DIAPH1: variants seen among roughly 807,000 people sequenced by gnomAD.
DIAPH1 encodes diaphanous related formin 1.
DIAPH1 carries 46 observed loss-of-function variants against 140.7 expected under a neutral mutation model. The observed-to-expected ratio is 0.33, with a 90% CI of 0.26 to 0.42. The LOEUF (loss-of-function observed/expected upper bound fraction) is 0.42. DIAPH1 is among the 10% of genes least tolerant of loss of function. The pLI, the probability that DIAPH1 is intolerant of heterozygous loss-of-function variation, is 1.00. For synonymous variants in DIAPH1, 565 were observed against 551.6 expected, an observed-to-expected ratio of 1.02 and a Z score of -0.34; for missense variants, 1,310 against 1,558.7, an observed-to-expected ratio of 0.84 and a Z score of 2.69.
At chr5:141,517,475 G>C (rs1325065466) in intron 27 of DIAPH1, among the ~76,000 whole-genome samples, 1 of 152,182 alleles carries the variant, frequency 6.6e-6, no homozygotes, top group Non-Finnish European at 1.5e-5. Context: ...GTTGTCCCTA[G>C]CAGAAGGCAA....
intron 4 of DIAPH1, 53 bp downstream of exon 4, chr5:141,584,071 T>A: frequency 3.4e-6 from 4 of 1,182,452 alleles, no homozygotes; most frequent in Admixed American, 1.9e-5. Context: ...AAAAAACAGG[T>A]CCAAGACAAG....
intron 27 of DIAPH1, among the ~76,000 whole-genome samples, chr5:141,522,005 A>ACTTTAGGTCTTTTGATCC (rs1156981432): frequency 6.6e-6 from 1 of 152,184 alleles, no homozygotes; most frequent in Non-Finnish European, 1.5e-5. Context: ...ACTAGATGTG[A>ACTTTAGGTCTTTTGATCC]CTTTAGGTCT....
chr5:141,611,862 T>G (rs1596413961), intron 1 of DIAPH1, among the ~76,000 whole-genome samples: 1 of 151,596 alleles, frequency 6.6e-6, no homozygotes, highest in South Asian at 2.1e-4. Context: ...AAGTTAGGAG[T>G]TCAAGACCAG....
Position 141,618,808 on chromosome 5 carries a change from G to A in DIAPH1, c.107C>T (p.Ser36Phe), listed in dbSNP as rs2099903125. ...LPSAGGDGGKSKKFTLKRLMA... is the reference protein window; with the variant it reads ...LPSAGGDGGKFKKFTLKRLMA... Reference sequence around the variant, plus strand: ...GGGAGGGACACTCACAAATTTCTTAGATTTGCCGCCGTCGCCGCCCGCCGA... The same window carrying A: ...GGGAGGGACACTCACAAATTTCTTAAATTTGCCGCCGTCGCCGCCCGCCGA... Residue 36 changes from serine to phenylalanine, a missense_variant, in exon 1 of 28, where the codon TCT becomes TTT. Ser to Phe is a radical substitution (Grantham distance 155). Transcript: ENST00000389054. 6.4e-7 allele frequency: 1 copy of A among 1,551,248 alleles called. No individual in the cohort carries two copies. Among genetic ancestry groups the A allele is most frequent in the Non-Finnish European group, 8.7e-7 (1 of 1,147,976 alleles).
intron 1 of DIAPH1, among the ~76,000 whole-genome samples, chr5:141,609,233 T>C (rs1478897278): frequency 1.3e-5 from 2 of 152,066 alleles, no homozygotes; most frequent in Non-Finnish European, 2.9e-5. Flanking sequence ...CTAGTACTTT[T>C]TTCCTGCCAA....
At position 141,578,235 on chromosome 5, in the gene DIAPH1, T is replaced by G. The variant is rs771834583; in HGVS notation, c.1153A>C (p.Met385Leu). The change falls in exon 11 of 28, where the codon ATG becomes CTG. Residue 385 changes from methionine to leucine, a missense_variant. Physicochemically the swap from Met to Leu is conservative, Grantham distance 15. Around this residue, in one of 3 missense-constraint regions of DIAPH1, gnomAD observed 377 missense variants for 497.1 expected, o/e 0.76. Transcript: ENST00000389054. The stretch of plus-strand genomic sequence containing the variant: ...TCAGCAAAAGGATATTCCATCTCCA[T>G]GCGAATGTCATCCAGCCGTCCCTTC... ...DLKGRLDDIR[M>L]EMDDFNEVFQ... 1 of 1,613,216 alleles carries G rather than the reference T, an allele frequency of 6.2e-7. No homozygotes were observed. Among genetic ancestry groups the G allele is most frequent in the Non-Finnish European group, 8.5e-7 (1 of 1,179,136 alleles).
chr5:141,515,184 T>TA lies in DIAPH1; in HGVS notation c.*1666dup, dbSNP rs991911371. The TA allele has an allele frequency of 1.3e-5, 2 of 152,268 alleles. No individual in the cohort carries two copies. The highest frequency in any genetic ancestry group is 4.8e-5 in the African/African-American group (2 of 41,312). 9.4% of individuals were successfully genotyped at this position (152,268 alleles called of 1,614,324 possible). ...TAAATGCATCTTAGCAAAAGTAGAT[T>TA]AAAAAAGAAAGGGTCAAAGCCCCAG... is the stretch of plus-strand genomic sequence containing the variant. On this transcript the variant is annotated 3_prime_UTR_variant, in exon 28 of 28. Coordinates refer to ENST00000389054, the MANE Select transcript of DIAPH1 (RefSeq NM_005219.5).
chr5:141,556,047 G>A (rs1015966239), intron 18 of DIAPH1, among the ~76,000 whole-genome samples: 1 of 152,156 alleles, frequency 6.6e-6, no homozygotes, highest in African/African-American at 2.4e-5. Context: ...GAAAGTCAGA[G>A]TCACTGACCC....
At chr5:141,571,406 A>T (rs2099895162) in intron 18 of DIAPH1, 22 bp downstream of exon 18, 1 of 1,597,532 alleles carries the variant, frequency 6.3e-7, no homozygotes, top group Non-Finnish European at 8.5e-7. Flanking sequence ...GACCAAACTA[A>T]AAGGCTCTTT....
chr5:141,562,230 AAAG>A (rs201059600), intron 18 of DIAPH1, among the ~76,000 whole-genome samples: 31 of 148,128 alleles, frequency 2.1e-4, no homozygotes, highest in South Asian at 6.4e-4. Flanking sequence ...CAAAAAAAAA[AAAG>A]AACAATTATT....
intron 18 of DIAPH1, among the ~76,000 whole-genome samples, chr5:141,546,529 G>A (rs2154595514): frequency 6.6e-6 from 1 of 152,204 alleles, no homozygotes; most frequent in East Asian, 1.9e-4. Flanking sequence ...GATGGCAGGT[G>A]CCTGTAATCC....
intron 18 of DIAPH1, among the ~76,000 whole-genome samples, chr5:141,562,787 C>G (rs1486055841): frequency 6.6e-6 from 1 of 152,096 alleles, no homozygotes; most frequent in African/African-American, 2.4e-5. Context: ...CAACAATTCC[C>G]AAATAGTGTA....
At chr5:141,548,169 A>G (rs970189849) in intron 18 of DIAPH1, among the ~76,000 whole-genome samples, 4 of 152,036 alleles carry the variant, frequency 2.6e-5, no homozygotes, top group African/African-American at 7.2e-5. Flanking sequence ...ACTCCACTCC[A>G]GCCTGGGCGA....
At chr5:141,585,605 G>T (rs1331945790) in intron 3 of DIAPH1, among the ~76,000 whole-genome samples, 1 of 152,036 alleles carries the variant, frequency 6.6e-6, no homozygotes, top group East Asian at 1.9e-4. Context: ...TTCGAGACTA[G>T]CCTGGCCAAC....
chr5:141,615,874 A>G (rs1242264159), intron 1 of DIAPH1, among the ~76,000 whole-genome samples: 2 of 152,260 alleles, frequency 1.3e-5, no homozygotes, highest in African/African-American at 4.8e-5. Flanking sequence ...AATACTCTGC[A>G]GCCTCCTAAC....
chr5:141,519,027 C>A, intron 27 of DIAPH1: 1 of 1,546,478 alleles, frequency 6.5e-7, no homozygotes, highest in Non-Finnish European at 8.7e-7. Context: ...AGTGAAGACC[C>A]TGACTGACAG....
At position 141,610,127 on chromosome 5, in the gene DIAPH1, A is replaced by ATTTC. The variant is rs531563380; in HGVS notation, c.117+8667_117+8670dup. Among the ~76,000 whole-genome samples, 861 of 151,654 alleles carry ATTTC rather than the reference A, an allele frequency of 5.7e-3. 1 individual carries two copies. The highest frequency in any genetic ancestry group is 8.1e-3 in the Non-Finnish European group (552 of 67,836). ...AGCCTGGGCAACATAGTGAGACCCC[A>ATTTC]TTTCTTTCTTTCTTTCTTTCTTTTT... On this transcript the variant is annotated intron_variant, in intron 1 of 27. Transcript: ENST00000389054.
chr5:141,604,027 A>G (rs1214806847), intron 1 of DIAPH1, among the ~76,000 whole-genome samples: 1 of 152,190 alleles, frequency 6.6e-6, no homozygotes, highest in Non-Finnish European at 1.5e-5. Flanking sequence ...AAGTCCATCC[A>G]TACAAACTGC....
chr5:141,603,164 T>C (rs915887067), intron 1 of DIAPH1, among the ~76,000 whole-genome samples: 2 of 152,356 alleles, frequency 1.3e-5, no homozygotes, highest in African/African-American at 2.4e-5. Context: ...ATGTTCTCCA[T>C]GACCACTGAG....
Sources: allele counts gnomAD v4.1 joint callset (sites outside exome capture counted in the v4.1 genomes callset), GRCh38; gene constraint gnomAD v4.1.1; regional missense constraint gnomAD v4.1.1; transcripts MANE v1.5; gene names NCBI Gene and HGNC (gene_info 2026-07-23, HGNC 2026-07-21).